CCDC170: variants seen among roughly 807,000 people sequenced by gnomAD.
The protein encoded by CCDC170 is coiled-coil domain containing 170, also known as coiled-coil domain-containing protein 170.
CCDC170 carries 69 observed loss-of-function variants against 72.6 expected under a neutral mutation model. That is an observed-to-expected ratio of 0.95 (90% CI 0.78 to 1.16). The LOEUF is 1.16. Ranked by LOEUF, CCDC170 falls within the 50% of genes most tolerant of loss-of-function variation. The probability of loss-of-function intolerance (pLI) is 0.00; values close to 1 mark genes in which losing one functional copy is unlikely to be tolerated. For missense variants in CCDC170, 852 were observed against 832.5 expected, an observed-to-expected ratio of 1.02 and a Z score of -0.29; for synonymous variants, 300 against 303.9, an observed-to-expected ratio of 0.99 and a Z score of 0.13.
intron 4 of CCDC170, among the ~76,000 whole-genome samples, chr6:151,546,194 C>T (rs766905244): frequency 1.1e-4 from 17 of 152,178 alleles, no homozygotes; most frequent in Non-Finnish European, 1.5e-4. Flanking sequence ...TTCCACTTCA[C>T]GGATGGGTTT....
intron 1 of CCDC170, among the ~76,000 whole-genome samples, chr6:151,513,547 T>G (rs1782178848): frequency 1.4e-5 from 2 of 139,216 alleles, no homozygotes; most frequent in South Asian, 4.6e-4. Flanking sequence ...GAGGCAGAGG[T>G]TGCAGTAAGC....
chr6:151,535,491 T>C (rs552666254), intron 1 of CCDC170, among the ~76,000 whole-genome samples: 1 of 152,328 alleles, frequency 6.6e-6, no homozygotes, highest in Non-Finnish European at 1.5e-5. Context: ...ATAAAAGGCA[T>C]AGTGAATAGT....
rs115359641 is a variant in CCDC170 at position 151,605,574 on chromosome 6, C to T, written c.1710+8997C>T. 9.5e-3 allele frequency among the ~76,000 whole-genome samples: 1,445 copies of T among 152,310 alleles called. 21 individuals carry two copies. Among genetic ancestry groups the T allele is most frequent in the African/African-American group, 0.034 (1,400 of 41,570 alleles). The stretch of plus-strand genomic sequence containing the variant: ...TCTGTGGGTTGAGGCAGAAACTGTC[C>T]TCTTACCAGGGAACTTAAGATGTTG... On this transcript the variant is annotated intron_variant, in intron 9 of 10. Coordinates refer to ENST00000239374, the MANE Select transcript of CCDC170 (RefSeq NM_025059.4).
Position 151,539,020 on chromosome 6 carries a change from T to A in CCDC170, c.443+719T>A, listed in dbSNP as rs574003207. Among the ~76,000 whole-genome samples, 6 of 152,172 alleles carry A rather than the reference T, an allele frequency of 3.9e-5. No individual in the cohort carries two copies. The South Asian group carries it at 1.2e-3, about 32-fold the overall frequency. ...CTCACACCTGTAATCCCAGCACTTT[T>A]GGAGGCTGAGGTGGGCAGATCACTT... On this transcript the variant is annotated intron_variant, in intron 3 of 10. Coordinates refer to ENST00000239374, the MANE Select transcript of CCDC170 (RefSeq NM_025059.4).
rs1399704185 is a variant in CCDC170, at chr6:151,592,510, T to A, written c.1294-597T>A. Reference sequence around the variant, plus strand: ...GAAGAGTAAGGGATGTCTTACATGGTGGCAGGCAAAGAGAGAGAACGAGAG... The same window carrying A: ...GAAGAGTAAGGGATGTCTTACATGGAGGCAGGCAAAGAGAGAGAACGAGAG... On this transcript the variant is annotated intron_variant, in intron 7 of 10. Coordinates refer to ENST00000239374, the MANE Select transcript of CCDC170 (RefSeq NM_025059.4). 5.9e-5 allele frequency among the ~76,000 whole-genome samples: 9 copies of A among 152,150 alleles called. No individual in the cohort carries two copies. In the East Asian group the frequency reaches 9.6e-4, roughly 16 times the overall value.
Position 151,615,467 on chromosome 6 carries a change from G to A in CCDC170, c.1735G>A (p.Ala579Thr). The A allele has an allele frequency of 6.2e-7, 1 of 1,613,836 alleles. No homozygotes were observed. The highest frequency in any genetic ancestry group is 8.5e-7 in the Non-Finnish European group (1 of 1,179,778). ...LKIKTLEQTK[A>T]IEDLNKSRDQ... is the part of the protein sequence containing the mutation. Reference sequence around the variant, plus strand: ...GATTAAAACTTTGGAACAGACTAAAGCCATTGAAGATCTAAACAAATCCAG... The same window carrying A: ...GATTAAAACTTTGGAACAGACTAAAACCATTGAAGATCTAAACAAATCCAG... Residue 579 changes from alanine to threonine, a missense_variant, in exon 10 of 11, where the codon GCC becomes ACC. Physicochemically the swap from Ala to Thr is moderately conservative, Grantham distance 58. Coordinates refer to ENST00000239374, the MANE Select transcript of CCDC170 (RefSeq NM_025059.4).
intron 4 of CCDC170, among the ~76,000 whole-genome samples, chr6:151,545,486 T>C (rs890342834): frequency 6.6e-6 from 1 of 152,052 alleles, no homozygotes; most frequent in Admixed American, 6.6e-5. Flanking sequence ...CAGAAATAAA[T>C]AATAATAACT....
intron 1 of CCDC170, among the ~76,000 whole-genome samples, chr6:151,529,437 T>C (rs572425878): frequency 6.0e-4 from 91 of 152,206 alleles, no homozygotes; most frequent in African/African-American, 2.1e-3. Context: ...GGTGGGAGGA[T>C]CACGAGGTCA....
In CCDC170 at chr6:151,601,523, G is replaced by A. The variant is rs533650277; in HGVS notation, c.1710+4946G>A. The stretch of plus-strand genomic sequence containing the variant: ...TGTTCTCCAGAAAAACAGTGCGTGT[G>A]TGTGTGTGTGTATGTGTGTTTGTGT... On this transcript the variant is annotated intron_variant, in intron 9 of 10. Coordinates refer to ENST00000239374, the MANE Select transcript of CCDC170 (RefSeq NM_025059.4). Among the ~76,000 whole-genome samples the A allele has an allele frequency of 6.6e-5, 10 of 152,152 alleles. No homozygotes were observed. The East Asian group carries it at 1.9e-3, about 29-fold the overall frequency.
At chr6:151,532,230 T>C (rs1377620024) in intron 1 of CCDC170, among the ~76,000 whole-genome samples, 3 of 152,146 alleles carry the variant, frequency 2.0e-5, no homozygotes, top group Non-Finnish European at 4.4e-5. Flanking sequence ...TAGGAATAAG[T>C]AGACCCCATT....
chr6:151,591,894 G>A (rs932810008), intron 7 of CCDC170, among the ~76,000 whole-genome samples: 1 of 152,192 alleles, frequency 6.6e-6, no homozygotes, highest in Non-Finnish European at 1.5e-5. Flanking sequence ...TGAGCTTTGA[G>A]TTTGGAGTGC....
At chr6:151,501,481 T>A (rs968914733) in intron 1 of CCDC170, among the ~76,000 whole-genome samples, 5 of 152,330 alleles carry the variant, frequency 3.3e-5, no homozygotes, top group East Asian at 1.9e-4. Context: ...GTTTTGTAAC[T>A]TTTTTGGAAT....
At chr6:151,542,365 T>A (rs1157348709) in intron 3 of CCDC170, among the ~76,000 whole-genome samples, 1 of 151,992 alleles carries the variant, frequency 6.6e-6, no homozygotes, top group African/African-American at 2.4e-5. Context: ...AGACCACAGG[T>A]GCATGCCACT....
At chr6:151,597,495 G>C (rs1776644331) in intron 9 of CCDC170, among the ~76,000 whole-genome samples, 1 of 152,332 alleles carries the variant, frequency 6.6e-6, no homozygotes, top group Non-Finnish European at 1.5e-5. Context: ...ACTGCTATTA[G>C]TGATGATGCA....
intron 1 of CCDC170, among the ~76,000 whole-genome samples, chr6:151,532,775 A>G (rs935655953): frequency 2.6e-4 from 39 of 152,338 alleles, no homozygotes; most frequent in Middle Eastern, 3.4e-3. Flanking sequence ...TTTTCCAAGA[A>G]GATTTTGAAT....
intron 8 of CCDC170, among the ~76,000 whole-genome samples, chr6:151,594,529 AGAT>A (rs1776591671): frequency 6.6e-6 from 1 of 152,180 alleles, no homozygotes; most frequent in South Asian, 2.1e-4. Context: ...AGTTCTGCTC[AGAT>A]AATTGATTCT....
Position 151,618,188 on chromosome 6 carries a change from C to G in CCDC170, c.*41C>G. The G allele has an allele frequency of 6.6e-7, 1 of 1,509,832 alleles. No homozygotes were observed. The allele number at this position is 1,509,832 out of a possible 1,614,324, so 93.5% of individuals were successfully genotyped here. A position where few individuals can be genotyped will look rare whatever the true frequency, so the allele number is the denominator to read the frequency against. On this transcript the variant is annotated 3_prime_UTR_variant, in exon 11 of 11. Coordinates refer to ENST00000239374, the MANE Select transcript of CCDC170 (RefSeq NM_025059.4). ...AGAGAGGTGGCCATAAGACATGGCA[C>G]ACAATTCCCAATTTCACAAATTCCT...
chr6:151,533,582 G>T (rs556734641), intron 1 of CCDC170, among the ~76,000 whole-genome samples: 1 of 151,322 alleles, frequency 6.6e-6, no homozygotes, highest in Non-Finnish European at 1.5e-5. Flanking sequence ...CAGGAGAATC[G>T]CTTGAACCTA....
In CCDC170 at chr6:151,572,649, G is replaced by GTTTTTTTTTTTTTTTTTTTTTTTTTTTTT. The variant is rs1213267537; in HGVS notation, c.775-505_775-504insTTTTTTTTTTTTTTTTTTTTTTTTTTTTT. Among the ~76,000 whole-genome samples the GTTTTTTTTTTTTTTTTTTTTTTTTTTTTT allele has an allele frequency of 1.1e-4, 4 of 37,982 alleles. 1 individual carries two copies. The highest frequency in any genetic ancestry group is 4.9e-4 in the African/African-American group (4 of 8,160). The allele number at this position is 37,982 out of a possible 152,430, so 24.9% of individuals were successfully genotyped here. On this transcript the variant is annotated intron_variant, in intron 5 of 10. Coordinates refer to ENST00000239374, the MANE Select transcript of CCDC170 (RefSeq NM_025059.4). ...TTTATATTTTATATCCCTTCTCTGT[G>GTTTTTTTTTTTTTTTTTTTTTTTTTTTTT]TTTTTTTTTTTTTTTTTTTTGATGG...
Sources: allele counts gnomAD v4.1 joint callset (sites outside exome capture counted in the v4.1 genomes callset), GRCh38; gene constraint gnomAD v4.1.1; transcripts MANE v1.5; gene names NCBI Gene and HGNC (gene_info 2026-07-23, HGNC 2026-07-21).